ATP2B4: variants seen among roughly 807,000 people sequenced by gnomAD.
ATP2B4 encodes plasma membrane calcium-transporting ATPase 4.
ATP2B4 carries 39 observed loss-of-function variants against 110.3 expected under a neutral mutation model. The ratio of observed to expected loss-of-function variants is 0.35; its 90% confidence interval spans 0.27 to 0.46. ATP2B4 has a LOEUF of 0.46. ATP2B4 is among the 20% of genes least tolerant of loss of function. The pLI is 1.00. For missense variants in ATP2B4, 1,135 were observed against 1,530.9 expected, an observed-to-expected ratio of 0.74 and a Z score of 4.32; for synonymous variants, 538 against 571.7, an observed-to-expected ratio of 0.94 and a Z score of 0.84.
At chr1:203,651,064 C>T (rs1663976661) in intron 1 of ATP2B4, among the ~76,000 whole-genome samples, 1 of 152,090 alleles carries the variant, frequency 6.6e-6, no homozygotes, top group Non-Finnish European at 1.5e-5. Context: ...CATGAGCCAC[C>T]ATGCCTGGCC....
rs754246903 is a variant in ATP2B4, at chr1:203,707,069, T to C, written c.1160T>C (p.Phe387Ser). The C allele has an allele frequency of 2.5e-6, 4 of 1,614,008 alleles. No homozygotes were observed. The highest frequency in any genetic ancestry group is 3.4e-6 in the Non-Finnish European group (4 of 1,180,016). The stretch of plus-strand genomic sequence containing the variant: ...ATTCTATACTTTGTGATTGACAACT[T>C]TGTGATAAATCGCAGACCATGGCTC... ...ILILYFVIDN[F>S]VINRRPWLPE... The change falls in exon 9 of 21, where the codon TTT (phenylalanine) becomes TCT (serine). Residue 387 changes from phenylalanine to serine, a missense_variant. By Grantham distance (155) the Phe-to-Ser change is radical. This residue lies in a region of ATP2B4 where 162 missense variants were observed against 210.5 expected (regional missense o/e 0.77). Transcript: ENST00000357681.
At chr1:203,708,196 C>A (rs924582776) in intron 10 of ATP2B4, 92 bp downstream of exon 10, 3 of 1,526,380 alleles carry the variant, frequency 2.0e-6, no homozygotes, top group Non-Finnish European at 2.7e-6. Context: ...GTTTACACTG[C>A]CTAAATTGCC....
At chr1:203,703,839 GT>G (rs1665767019) in intron 8 of ATP2B4, 26 bp downstream of exon 8, 1 of 1,607,850 alleles carries the variant, frequency 6.2e-7, no homozygotes, top group Non-Finnish European at 8.5e-7. Context: ...CCTCGTTGTG[GT>G]TTATCAATGT....
intron 1 of ATP2B4, chr1:203,657,453 C>T (rs1384489883): frequency 3.8e-6 from 3 of 784,812 alleles, no homozygotes; most frequent in Middle Eastern, 3.6e-4. Flanking sequence ...TACTTTGGCT[C>T]GAGATTGTCC....
At chr1:203,664,753 A>T (rs1373721109) in intron 1 of ATP2B4, among the ~76,000 whole-genome samples, 1 of 152,092 alleles carries the variant, frequency 6.6e-6, no homozygotes, top group Non-Finnish European at 1.5e-5. Flanking sequence ...TTCCTTAGAT[A>T]TTTTTCAGGA....
chr1:203,708,267 C>T (rs1446967486), intron 10 of ATP2B4, among the ~76,000 whole-genome samples, 163 bp downstream of exon 10: 2 of 152,042 alleles, frequency 1.3e-5, no homozygotes, highest in Non-Finnish European at 2.9e-5. Flanking sequence ...CAGAAAAATC[C>T]CTGGGAGTCA....
chr1:203,725,904 C>CTTTTTTTTTTTTTT (rs756184004), intron 19 of ATP2B4, among the ~76,000 whole-genome samples: 51 of 93,356 alleles, frequency 5.5e-4, no homozygotes, highest in Middle Eastern at 8.5e-3. Context: ...CTTTTCTTTT[C>CTTTTTTTTTTTTTT]TTTTTTTTTT....
chr1:203,656,066 A>ATT (rs56042023), intron 1 of ATP2B4, among the ~76,000 whole-genome samples: 96 of 147,148 alleles, frequency 6.5e-4, no homozygotes, highest in South Asian at 2.1e-3. Context: ...ACGCCCAGCT[A>ATT]TTTTTTTTTT....
intron 14 of ATP2B4, among the ~76,000 whole-genome samples, chr1:203,713,610 G>A (rs192831729): frequency 2.6e-5 from 4 of 152,118 alleles, no homozygotes; most frequent in Non-Finnish European, 5.9e-5. Flanking sequence ...GACTACAGGC[G>A]CATGCCACCA....
chr1:203,659,543 C>T (rs1329816819), intron 1 of ATP2B4, among the ~76,000 whole-genome samples: 1 of 151,594 alleles, frequency 6.6e-6, no homozygotes, highest in Non-Finnish European at 1.5e-5. Flanking sequence ...GGTGGCACAC[C>T]CCTGTAGTCC....
rs1666785091 is a variant in ATP2B4 at position 203,733,276 on chromosome 1, G to A, written c.3309+5705G>A. 7 of 1,614,050 alleles carry A rather than the reference G, an allele frequency of 4.3e-6. No homozygotes were observed. In the East Asian group the frequency reaches 6.7e-5, roughly 15 times the overall value. On this transcript the variant is annotated intron_variant, in intron 20 of 20. Transcript: ENST00000357681. ...GAGCCTCTTTTAAGGGAGTCCTAAG[G>A]CGACAGAACATGGGTCAACACCTTG...
intron 1 of ATP2B4, among the ~76,000 whole-genome samples, chr1:203,670,491 T>C (rs962039494): frequency 4.6e-5 from 7 of 152,248 alleles, no homozygotes; most frequent in African/African-American, 1.7e-4. Flanking sequence ...GTTCATACTC[T>C]TAACCTAGGA....
intron 1 of ATP2B4, among the ~76,000 whole-genome samples, chr1:203,680,621 A>AAACAAG (rs10672485): frequency 6.9e-6 from 1 of 145,158 alleles, no homozygotes; most frequent in Non-Finnish European, 1.5e-5. Flanking sequence ...AAAAAAAAGA[A>AAACAAG]AAAAAAGATC....
intron 1 of ATP2B4, among the ~76,000 whole-genome samples, chr1:203,679,472 CTTTTCCACA>C (rs1664931407): frequency 2.0e-5 from 3 of 152,218 alleles, no homozygotes; most frequent in Admixed American, 2.0e-4. Flanking sequence ...TCTTTTCATT[CTTTTCCACA>C]TGTGTTCTTC....
chr1:203,723,949 G>C lies in ATP2B4; in HGVS notation c.3093G>C (p.Trp1031Cys). 6.2e-7 allele frequency: 1 copy of C among 1,611,906 alleles called. No individual in the cohort carries two copies. Among genetic ancestry groups the C allele is most frequent in the South Asian group, 1.1e-5 (1 of 90,478 alleles). ...CTSLSLSQWL[W>C]CLFIGIGELL... is the part of the protein sequence containing the mutation. ...GCCTCAGCCTGTCTCAGTGGCTGTG[G>C]TGTCTCTTCATTGGGATTGGAGAAC... Residue 1031 changes from tryptophan to cysteine, a missense_variant, in exon 19 of 21, where the codon TGG becomes TGC. By Grantham distance (215) the Trp-to-Cys change is radical (BLOSUM62 -2). Coordinates refer to ENST00000357681, the MANE Select transcript of ATP2B4 (RefSeq NM_001684.5).
rs746193335 is a variant in ATP2B4, at chr1:203,712,112, C to T, written c.2184C>T (p.Asn728=). ...DFLCLEGKEF[N]RLIRNEKGEV... ...TGTGCTTAGAAGGCAAAGAATTCAA[C>T]CGGCTCATCCGCAACGAGAAAGGCG... is the stretch of plus-strand genomic sequence containing the variant. Residue 728 remains asparagine, a synonymous_variant, in exon 13 of 21, where the codon AAC becomes AAT. Coordinates refer to ENST00000357681, the MANE Select transcript of ATP2B4 (RefSeq NM_001684.5). 11 of 1,613,978 alleles carry T rather than the reference C, an allele frequency of 6.8e-6. No individual in the cohort carries two copies. Among genetic ancestry groups the T allele is most frequent in the Non-Finnish European group, 1.7e-6 (2 of 1,180,002 alleles).
At chr1:203,703,606 C>G in intron 7 of ATP2B4, 46 bp from the exon 8 acceptor site, 1 of 1,593,194 alleles carries the variant, frequency 6.3e-7, no homozygotes. Context: ...CCACTCAGTG[C>G]TACCACCTTG....
chr1:203,710,942 T>C lies in ATP2B4; in HGVS notation c.1865T>C (p.Met622Thr). 1 of 1,614,158 alleles carries C rather than the reference T, an allele frequency of 6.2e-7. No homozygotes were observed. The highest frequency in any genetic ancestry group is 1.1e-5 in the South Asian group (1 of 91,082). Residue 622 changes from methionine (M) to threonine (T), a missense_variant, in exon 12 of 21, where the codon ATG (methionine) becomes ACG (threonine). Around this residue, in one of 9 missense-constraint regions of ATP2B4, gnomAD observed 368 missense variants for 455.9 expected, o/e 0.81. Coordinates refer to ENST00000357681, the MANE Select transcript of ATP2B4 (RefSeq NM_001684.5). ...VPFKNKDRDD[M>T]VRTVIEPMAC... ...TTCAAGAATAAAGACAGAGATGATA[T>C]GGTACGCACTGTCATCGAGCCCATG...
chr1:203,666,204 G>T (rs546436865), intron 1 of ATP2B4, among the ~76,000 whole-genome samples: 1 of 152,208 alleles, frequency 6.6e-6, no homozygotes, highest in African/African-American at 2.4e-5. Context: ...CATCCAAGGG[G>T]ATTCTCATAA....
Sources: gnomAD v4.1 joint callset for allele counts (sites outside exome capture counted in the v4.1 genomes callset) on GRCh38, gnomAD v4.1.1 for gene constraint, gnomAD v4.1.1 regional missense constraint, MANE v1.5 for transcripts, NCBI Gene and HGNC (gene_info 2026-07-23, HGNC 2026-07-21) for gene names.